Variants in ARHGAP28 observed in about 807,000 individuals in gnomAD.
ARHGAP28 encodes the protein rho GTPase-activating protein 28.
In ARHGAP28, 56 loss-of-function variants were observed where a neutral mutation model predicts 90.7. That is an observed-to-expected ratio of 0.62 (90% CI 0.50 to 0.77). The LOEUF is 0.77. Ranked by LOEUF, ARHGAP28 falls within the 30% of genes least tolerant of loss-of-function variation. The pLI, the probability that ARHGAP28 is intolerant of heterozygous loss-of-function variation, is 0.00. For missense variants in ARHGAP28, 869 were observed against 900.9 expected, an observed-to-expected ratio of 0.96 and a Z score of 0.45; for synonymous variants, 308 against 323.3, an observed-to-expected ratio of 0.95 and a Z score of 0.51.
chr18:6,795,912 A>T (rs74952233), intron 1 of ARHGAP28, among the ~76,000 whole-genome samples: 3 of 152,248 alleles, frequency 2.0e-5, no homozygotes, highest in Non-Finnish European at 4.4e-5. Context: ...CAGCCAGGTA[A>T]CATGTAGATC....
intron 1 of ARHGAP28, among the ~76,000 whole-genome samples, chr18:6,744,453 C>T (rs1324890020): frequency 6.6e-6 from 1 of 152,060 alleles, no homozygotes; most frequent in Admixed American, 6.6e-5. Flanking sequence ...CTATTTTTCC[C>T]TATTATTAAG....
intron 1 of ARHGAP28, among the ~76,000 whole-genome samples, chr18:6,781,547 G>T (rs569310953): frequency 6.6e-6 from 1 of 152,238 alleles, no homozygotes; most frequent in African/African-American, 2.4e-5. Context: ...TGCTGTCTCT[G>T]CCCATTCTTC....
At chr18:6,885,191 C>A (rs1298785829) in intron 11 of ARHGAP28, among the ~76,000 whole-genome samples, 1 of 152,208 alleles carries the variant, frequency 6.6e-6, no homozygotes, top group Non-Finnish European at 1.5e-5. Context: ...AAAGAGTCCA[C>A]ATTCCTTCGT....
At chr18:6,810,601 A>T (rs921614573) in intron 1 of ARHGAP28, among the ~76,000 whole-genome samples, 10 of 152,164 alleles carry the variant, frequency 6.6e-5, no homozygotes, top group Admixed American at 2.0e-4. Context: ...GGCCCAGCCC[A>T]GTGGGTTGTT....
At chr18:6,864,850 A>G (rs1387810730) in intron 5 of ARHGAP28, among the ~76,000 whole-genome samples, 2 of 140,402 alleles carry the variant, frequency 1.4e-5, no homozygotes, top group Non-Finnish European at 3.2e-5. Context: ...ATGCCCAGCT[A>G]AATTTTTTTT....
At chr18:6,810,721 T>C (rs2056550219) in intron 1 of ARHGAP28, among the ~76,000 whole-genome samples, 1 of 152,068 alleles carries the variant, frequency 6.6e-6, no homozygotes, top group Non-Finnish European at 1.5e-5. Context: ...GAGAGGGTGT[T>C]ATATAGAGTA....
At chr18:6,767,855 T>C (rs568916362) in intron 1 of ARHGAP28, among the ~76,000 whole-genome samples, 5 of 152,304 alleles carry the variant, frequency 3.3e-5, no homozygotes, top group African/African-American at 1.2e-4. Context: ...TCTATAGTTT[T>C]CAACAAACTT....
chr18:6,895,391 C>T (rs1045791811), intron 15 of ARHGAP28, among the ~76,000 whole-genome samples: 1 of 152,134 alleles, frequency 6.6e-6, no homozygotes, highest in Admixed American at 6.6e-5. Flanking sequence ...GTGTTAGTTC[C>T]CTAGGGCTGC....
chr18:6,857,704 A>G (rs1281674550), intron 4 of ARHGAP28, among the ~76,000 whole-genome samples: 1 of 152,172 alleles, frequency 6.6e-6, no homozygotes, highest in Non-Finnish European at 1.5e-5. Flanking sequence ...GCCTTCACCT[A>G]AGGACACAGT....
chr18:6,760,767 C>G (rs948656912), intron 1 of ARHGAP28, among the ~76,000 whole-genome samples: 1 of 152,194 alleles, frequency 6.6e-6, no homozygotes, highest in Non-Finnish European at 1.5e-5. Flanking sequence ...ACATTCTGAT[C>G]TTTAATTCAT....
chr18:6,896,717 G>C, intron 16 of ARHGAP28, 91 bp downstream of exon 16: 1 of 1,464,504 alleles, frequency 6.8e-7, no homozygotes, highest in Non-Finnish European at 9.2e-7. Context: ...TTGACCTTTT[G>C]TAAAATATAG....
chr18:6,887,449 G>A (rs1312601751), intron 12 of ARHGAP28, among the ~76,000 whole-genome samples: 1 of 124,240 alleles, frequency 8.0e-6, no homozygotes, highest in Non-Finnish European at 1.7e-5. Flanking sequence ...TTTTTTTTGA[G>A]AGACAGAGTT....
intron 1 of ARHGAP28, among the ~76,000 whole-genome samples, chr18:6,798,593 G>A (rs1400856993): frequency 6.6e-6 from 1 of 152,176 alleles, no homozygotes; most frequent in East Asian, 1.9e-4. Flanking sequence ...AAGTAACTCA[G>A]GAATGGAAAA....
intron 1 of ARHGAP28, among the ~76,000 whole-genome samples, chr18:6,805,774 C>A (rs2056514432): frequency 6.6e-6 from 1 of 152,174 alleles, no homozygotes; most frequent in Non-Finnish European, 1.5e-5. Flanking sequence ...CATGAGCCAC[C>A]ATGCCTGGCT....
intron 9 of ARHGAP28, 105 bp downstream of exon 9, chr18:6,873,880 C>T (rs946142682): frequency 8.1e-6 from 8 of 992,424 alleles, no homozygotes; most frequent in African/African-American, 4.9e-5. Flanking sequence ...AAGACACTAT[C>T]GCCCTATTAG....
chr18:6,874,028 C>A (rs1018920113), intron 9 of ARHGAP28, among the ~76,000 whole-genome samples: 8 of 152,198 alleles, frequency 5.3e-5, no homozygotes, highest in African/African-American at 1.9e-4. Context: ...GTGACAGACA[C>A]AGATGGTCTG....
At chr18:6,903,480 A>G (rs913684683) in intron 16 of ARHGAP28, among the ~76,000 whole-genome samples, 4 of 152,192 alleles carry the variant, frequency 2.6e-5, no homozygotes, top group Non-Finnish European at 5.9e-5. Context: ...CAGAGAAACC[A>G]CAAACAAAGC....
chr18:6,768,875 C>T (rs2056220958), intron 1 of ARHGAP28, among the ~76,000 whole-genome samples: 1 of 152,108 alleles, frequency 6.6e-6, no homozygotes. Flanking sequence ...ACTCACTCAG[C>T]ATTCCCTTTC....
chr18:6,891,413 C>T (rs777532193), intron 14 of ARHGAP28, among the ~76,000 whole-genome samples: 1 of 151,600 alleles, frequency 6.6e-6, no homozygotes, highest in Non-Finnish European at 1.5e-5. Flanking sequence ...TACAGGCATG[C>T]GCCACCATGC....
Sources: allele counts gnomAD v4.1 joint callset (sites outside exome capture counted in the v4.1 genomes callset), GRCh38; gene constraint gnomAD v4.1.1; transcripts MANE v1.5; gene names NCBI Gene and HGNC (gene_info 2026-07-23, HGNC 2026-07-21).